The following RALY variants were observed in gnomAD, a reference collection of about 807,000 sequenced individuals.
RALY encodes the protein RALY heterogeneous nuclear ribonucleoprotein.
In RALY, 15 loss-of-function variants were observed where a neutral mutation model predicts 30.7. The ratio of observed to expected loss-of-function variants is 0.49; its 90% CI spans 0.33 to 0.75. RALY has a LOEUF of 0.75. Ranked by LOEUF, RALY falls within the 30% of genes least tolerant of loss-of-function variation. The pLI, the probability that RALY is intolerant of heterozygous loss-of-function variation, is 0.02. For missense variants in RALY, 339 were observed against 414.3 expected (o/e 0.82, Z 1.58); for synonymous variants, 177 against 170.8 (o/e 1.04, Z -0.28).
intron 1 of RALY, among the ~76,000 whole-genome samples, chr20:34,010,762 T>C (rs1309054962): frequency 6.6e-6 from 1 of 152,222 alleles, no homozygotes; most frequent in Non-Finnish European, 1.5e-5. Flanking sequence ...AAAGGACCTT[T>C]CAGCAGCAAC....
chr20:34,025,394 C>T (rs1037671297), intron 1 of RALY, among the ~76,000 whole-genome samples: 2 of 151,926 alleles, frequency 1.3e-5, no homozygotes, highest in African/African-American at 2.4e-5. Context: ...CTCCGCTGCC[C>T]GGGTTCAAGT....
intron 2 of RALY, among the ~76,000 whole-genome samples, chr20:34,055,021 A>G (rs2123189911): frequency 6.6e-6 from 1 of 152,296 alleles, no homozygotes; most frequent in Non-Finnish European, 1.5e-5. Flanking sequence ...AATTCTCACA[A>G]CAGCCTTATG....
chr20:34,076,994 T>G (rs1253134840), intron 7 of RALY, 34 bp from the exon 8 acceptor site: 1 of 1,610,102 alleles, frequency 6.2e-7, no homozygotes, highest in Admixed American at 1.7e-5. Flanking sequence ...CAGGCTGAGT[T>G]TTATTCTCCC....
At chr20:34,049,755 T>C (rs2033013356) in intron 2 of RALY, among the ~76,000 whole-genome samples, 1 of 152,224 alleles carries the variant, frequency 6.6e-6, no homozygotes, top group Non-Finnish European at 1.5e-5. Context: ...ATGAGGAAAC[T>C]GAGAGAGGTT....
intron 2 of RALY, among the ~76,000 whole-genome samples, chr20:34,040,868 C>G (rs529772378): frequency 3.7e-4 from 57 of 152,274 alleles, no homozygotes; most frequent in Non-Finnish European, 7.1e-4. Context: ...TAAGCTGTTT[C>G]CTGAGTATCA....
intron 2 of RALY, among the ~76,000 whole-genome samples, chr20:34,053,055 T>TC (rs35289809): frequency 2.6e-5 from 4 of 152,220 alleles, no homozygotes; most frequent in South Asian, 2.1e-4. Context: ...TTTTTTTTTT[T>TC]CACTCTGTTG....
At chr20:34,008,833 A>T (rs923063525) in intron 1 of RALY, among the ~76,000 whole-genome samples, 9 of 151,908 alleles carry the variant, frequency 5.9e-5, no homozygotes. Flanking sequence ...TGTTTTTTAA[A>T]TTTTTTTGTA....
At chr20:34,013,613 A>G (rs1218863298) in intron 1 of RALY, among the ~76,000 whole-genome samples, 1 of 152,084 alleles carries the variant, frequency 6.6e-6, no homozygotes, top group Non-Finnish European at 1.5e-5. Flanking sequence ...TTCCTCAGGG[A>G]AGCTTTCCCT....
rs945490658 is a variant in RALY, at chr20:34,042,453, G to A, written c.-10+10849G>A. Among the ~76,000 whole-genome samples the A allele has an allele frequency of 4.6e-5, 7 of 152,092 alleles. No homozygotes were observed. In the East Asian group the frequency reaches 5.8e-4, roughly 13 times the overall value. ...GAGCTGTATGTCATTATGTCATTTC[G>A]TTAAGTGACCACTTCTAACACTTGA... On this transcript the variant is annotated intron_variant, in intron 2 of 9. Transcript: ENST00000246194.
intron 1 of RALY, among the ~76,000 whole-genome samples, chr20:34,016,104 C>T (rs2031598409): frequency 6.6e-6 from 1 of 152,180 alleles, no homozygotes; most frequent in Non-Finnish European, 1.5e-5. Flanking sequence ...CACACATGCC[C>T]ACATAATCTC....
intron 2 of RALY, among the ~76,000 whole-genome samples, chr20:34,057,872 G>A (rs867777702): frequency 1.3e-5 from 2 of 152,120 alleles, no homozygotes; most frequent in Non-Finnish European, 2.9e-5. Flanking sequence ...ATGCCTAATA[G>A]AGAACATTGG....
intron 1 of RALY, among the ~76,000 whole-genome samples, chr20:34,024,734 T>C (rs1382812889): frequency 6.6e-6 from 1 of 152,186 alleles, no homozygotes; most frequent in Non-Finnish European, 1.5e-5. Flanking sequence ...CCATTTTGTG[T>C]CCTGGCTGCA....
At chr20:34,006,397 C>G (rs1476312723) in intron 1 of RALY, among the ~76,000 whole-genome samples, 3 of 152,180 alleles carry the variant, frequency 2.0e-5, no homozygotes, top group Non-Finnish European at 2.9e-5. Flanking sequence ...TGTAACAGTT[C>G]CTCAGTAAAA....
intron 2 of RALY, among the ~76,000 whole-genome samples, chr20:34,033,430 G>A (rs1050928174): frequency 5.3e-5 from 8 of 152,192 alleles, no homozygotes; most frequent in Admixed American, 3.3e-4. Context: ...CTCACAATTC[G>A]AATGTCTGGA....
At chr20:34,018,396 C>T (rs1376407542) in intron 1 of RALY, among the ~76,000 whole-genome samples, 2 of 152,176 alleles carry the variant, frequency 1.3e-5, no homozygotes, top group Admixed American at 6.5e-5. Context: ...TTTGAAAGTT[C>T]GTCTGGCCCA....
intron 1 of RALY, among the ~76,000 whole-genome samples, chr20:33,995,226 G>T (rs1277762402): frequency 1.3e-5 from 2 of 152,108 alleles, no homozygotes; most frequent in Admixed American, 1.3e-4. Context: ...CTAGTGTTGC[G>T]GCAGTTAGAA....
At chr20:34,049,487 C>G (rs1003378839) in intron 2 of RALY, among the ~76,000 whole-genome samples, 3 of 152,136 alleles carry the variant, frequency 2.0e-5, no homozygotes, top group African/African-American at 7.2e-5. Context: ...AGTAAAGGAA[C>G]AGTTACCTCT....
chr20:34,077,501 C>A, intron 8 of RALY: 1 of 666,844 alleles, frequency 1.5e-6, no homozygotes, highest in Non-Finnish European at 2.5e-6. Flanking sequence ...CTCCGGTTTC[C>A]ACATGAGTTG....
intron 1 of RALY, chr20:34,015,048 A>G (rs2031552361): frequency 6.6e-6 from 1 of 152,254 alleles, no homozygotes; most frequent in African/African-American, 2.4e-5. Flanking sequence ...AGCTGGTAGC[A>G]TTTGAGCTTG....
Sources: gnomAD v4.1 joint callset for allele counts (sites outside exome capture counted in the v4.1 genomes callset) on GRCh38, gnomAD v4.1.1 for gene constraint, MANE v1.5 for transcripts, NCBI Gene and HGNC (gene_info 2026-07-23, HGNC 2026-07-21) for gene names.